TAF3: variants seen among roughly 807,000 people sequenced by gnomAD.
The protein encoded by TAF3 is TATA-box binding protein associated factor 3.
A neutral mutation model predicts 80.6 loss-of-function variants in TAF3; 7 were observed. The ratio of observed to expected loss-of-function variants is 0.09; its 90% CI spans 0.05 to 0.16. TAF3 has a LOEUF of 0.16. Among genes scored for constraint, TAF3 ranks in the 10% least tolerant of loss-of-function variants. The probability of loss-of-function intolerance (pLI) is 1.00; values close to 1 mark genes in which losing one functional copy is unlikely to be tolerated. For synonymous variants in TAF3, 444 were observed against 446.1 expected, an observed-to-expected ratio of 1.00 and a Z score of 0.06; for missense variants, 921 against 1,140.2, an observed-to-expected ratio of 0.81 and a Z score of 2.77.
At position 8,009,090 on chromosome 10, in the gene TAF3, G is replaced by A; in HGVS notation, c.2328G>A (p.Lys776=). ...GAGQDKIVIS[K]VVPAPEAKPA... ...CTTTTGTTGACAGTGTCATCAGCAA[G>A]GTGGTCCCTGCCCCCGAGGCCAAGC... The change falls in exon 5 of 7, where the codon AAG becomes AAA. Residue 776 remains lysine (K), a synonymous_variant. Coordinates refer to ENST00000344293, the MANE Select transcript of TAF3 (RefSeq NM_031923.4). The surrounding 1 kb of genome is among the most constrained non-coding windows in gnomAD (Gnocchi z 4.1). 1 of 1,601,878 alleles carries A rather than the reference G, an allele frequency of 6.2e-7. No homozygotes were observed. Among genetic ancestry groups the A allele is most frequent in the Non-Finnish European group, 8.5e-7 (1 of 1,174,942 alleles).
At chr10:7,957,794 G>GCTCTCTCTCT (rs376837630) in intron 2 of TAF3, among the ~76,000 whole-genome samples, 1,562 of 130,608 alleles carry the variant, frequency 0.012, 17 homozygotes, top group Non-Finnish European at 0.016. Flanking sequence ...TCTCTAGCGC[G>GCTCTCTCTCT]CTCTCTCTCT....
chr10:7,838,243 A>G (rs941502928), intron 2 of TAF3, among the ~76,000 whole-genome samples: 1 of 152,208 alleles, frequency 6.6e-6, no homozygotes, highest in Non-Finnish European at 1.5e-5. Flanking sequence ...TGTTGAATAT[A>G]GAGAGATGAG....
At chr10:7,905,407 T>G (rs11255434) in intron 2 of TAF3, among the ~76,000 whole-genome samples, 28,217 of 152,180 alleles carry the variant, frequency 0.19, 2,838 homozygotes, top group East Asian at 0.29. Context: ...GACAAAACCT[T>G]TGTTTTCATA....
At chr10:8,001,047 G>A (rs1331160703) in intron 4 of TAF3, among the ~76,000 whole-genome samples, 2 of 152,186 alleles carry the variant, frequency 1.3e-5, no homozygotes, top group Non-Finnish European at 1.5e-5. Context: ...CTATTCTAGG[G>A]TATTTTAAAT....
chr10:7,820,639 GAT>G (rs1836681625), intron 1 of TAF3, among the ~76,000 whole-genome samples: 1 of 152,046 alleles, frequency 6.6e-6, no homozygotes, highest in Non-Finnish European at 1.5e-5. Context: ...GGACTACAGG[GAT>G]ACGCCACCAT....
intron 3 of TAF3, among the ~76,000 whole-genome samples, chr10:7,970,232 G>A (rs950002316): frequency 3.9e-5 from 6 of 152,192 alleles, no homozygotes; most frequent in African/African-American, 1.2e-4. Context: ...TGTTGATTGA[G>A]GAATTGTTTT....
chr10:7,977,395 T>C (rs913474388), intron 4 of TAF3, 72 bp downstream of exon 4: 136 of 1,444,824 alleles, frequency 9.4e-5, no homozygotes, highest in Non-Finnish European at 1.3e-4. Context: ...CTAAGGGACT[T>C]AGAATTCCAC....
chr10:7,875,202 T>A (rs1021236890), intron 2 of TAF3, among the ~76,000 whole-genome samples: 1 of 152,036 alleles, frequency 6.6e-6, no homozygotes, highest in Non-Finnish European at 1.5e-5. Flanking sequence ...CTCCTCGATA[T>A]TTTTTTTCTG....
chr10:7,958,505 T>G (rs980074746), intron 2 of TAF3, among the ~76,000 whole-genome samples: 2 of 151,986 alleles, frequency 1.3e-5, no homozygotes, highest in African/African-American at 4.8e-5. Context: ...AAAAAAAAAT[T>G]ATAGTATCAT....
intron 2 of TAF3, among the ~76,000 whole-genome samples, chr10:7,945,973 T>G (rs1005553074): frequency 6.6e-6 from 1 of 152,190 alleles, no homozygotes; most frequent in African/African-American, 2.4e-5. Flanking sequence ...TAACAAATAT[T>G]TGTTGAATGA....
intron 2 of TAF3, among the ~76,000 whole-genome samples, chr10:7,931,577 G>A (rs1012795753): frequency 6.6e-6 from 1 of 152,094 alleles, no homozygotes; most frequent in Non-Finnish European, 1.5e-5. Flanking sequence ...ACAGACCACA[G>A]ATTTTCATGA....
intron 2 of TAF3, among the ~76,000 whole-genome samples, chr10:7,878,409 A>G (rs1230422519): frequency 6.6e-6 from 1 of 152,140 alleles, no homozygotes; most frequent in African/African-American, 2.4e-5. Context: ...TGCTCTTAGA[A>G]GACTGGCTGT....
At chr10:7,945,590 C>A (rs1838017072) in intron 2 of TAF3, among the ~76,000 whole-genome samples, 1 of 152,092 alleles carries the variant, frequency 6.6e-6, no homozygotes, top group Non-Finnish European at 1.5e-5. Flanking sequence ...ACTGCAGCCC[C>A]CTACCTCCTC....
chr10:7,965,721 G>T lies in TAF3; in HGVS notation c.2211G>T (p.Lys737Asn). 6.5e-7 allele frequency: 1 copy of T among 1,540,010 alleles called. No individual in the cohort carries two copies. Among genetic ancestry groups the T allele is most frequent in the Non-Finnish European group, 8.7e-7 (1 of 1,152,954 alleles). Residue 737 changes from lysine to asparagine, a missense_variant, in exon 3 of 7, where the codon AAG (lysine) becomes AAT (asparagine). Physicochemically the swap from Lys to Asn is moderately conservative, Grantham distance 94. Transcript: ENST00000344293. ...AGCGAGAGAAGAGAGAAAAAGAGAA[G>T]GAGAAACACAAGCATGAAAAAGTAA... ...KREREKREKE[K>N]EKHKHEKIKV...
chr10:7,930,347 C>A (rs263417), intron 2 of TAF3, among the ~76,000 whole-genome samples: 46,442 of 152,064 alleles, frequency 0.31, 7,261 homozygotes, highest in African/African-American at 0.37. Flanking sequence ...AATTCTTAAT[C>A]ATCCATGAAT....
At chr10:7,894,709 A>G (rs1051999222) in intron 2 of TAF3, among the ~76,000 whole-genome samples, 46 of 152,330 alleles carry the variant, frequency 3.0e-4, no homozygotes, top group African/African-American at 9.9e-4. Context: ...AAAATCAAAT[A>G]TTTAACAGAA....
chr10:7,881,253 A>C (rs569897001), intron 2 of TAF3, among the ~76,000 whole-genome samples: 1 of 144,626 alleles, frequency 6.9e-6, no homozygotes, highest in East Asian at 2.0e-4. Flanking sequence ...AAAAAAAAAC[A>C]AAAAAAAAAC....
intron 4 of TAF3, among the ~76,000 whole-genome samples, chr10:7,983,085 AG>A (rs1371104019): frequency 8.5e-5 from 13 of 152,212 alleles, no homozygotes; most frequent in African/African-American, 2.7e-4. Flanking sequence ...CAAGTATCCT[AG>A]GGCTCTGCCC....
chr10:7,994,450 GA>G (rs1413750872), intron 4 of TAF3, among the ~76,000 whole-genome samples: 1 of 151,450 alleles, frequency 6.6e-6, no homozygotes, highest in Non-Finnish European at 1.5e-5. Flanking sequence ...GAAAAGAAAA[GA>G]AAAAAAACTA....
Sources: allele counts gnomAD v4.1 joint callset (sites outside exome capture counted in the v4.1 genomes callset), GRCh38; gene constraint gnomAD v4.1.1; non-coding constraint Gnocchi (gnomAD v3.1); transcripts MANE v1.5; gene names NCBI Gene and HGNC (gene_info 2026-07-23, HGNC 2026-07-21).